APPL1: variants seen among roughly 807,000 people sequenced by gnomAD.
APPL1 encodes the protein adaptor protein, phosphotyrosine interacting with PH domain and leucine zipper 1.
In APPL1, 42 loss-of-function variants were observed where a neutral mutation model predicts 106.8. The ratio of observed to expected loss-of-function variants is 0.39; its 90% CI spans 0.31 to 0.51. APPL1 has a LOEUF of 0.51. Among genes scored for constraint, APPL1 ranks in the 20% least tolerant of loss-of-function variants. The pLI is 0.75. For synonymous variants in APPL1, 263 were observed against 281.8 expected, an observed-to-expected ratio of 0.93 and a Z score of 0.67; for missense variants, 769 against 858.2, an observed-to-expected ratio of 0.90 and a Z score of 1.30.
intron 2 of APPL1, among the ~76,000 whole-genome samples, chr3:57,235,979 T>C (rs1271690528): frequency 6.6e-6 from 1 of 151,950 alleles, no homozygotes; most frequent in Non-Finnish European, 1.5e-5. Context: ...GAAGACCCCA[T>C]GTCATCACTG....
intron 19 of APPL1, among the ~76,000 whole-genome samples, chr3:57,261,460 T>G (rs1179273247): frequency 6.6e-6 from 1 of 152,212 alleles, no homozygotes; most frequent in Non-Finnish European, 1.5e-5. Flanking sequence ...TCTTTAATTT[T>G]GGGTAGATAC....
chr3:57,260,293 C>A, intron 18 of APPL1, 140 bp downstream of exon 18: 1 of 842,382 alleles, frequency 1.2e-6, no homozygotes, highest in Non-Finnish European at 1.8e-6. Flanking sequence ...GTAGTTAAGT[C>A]TATGGCCATC....
intron 13 of APPL1, among the ~76,000 whole-genome samples, chr3:57,255,146 G>A (rs920609586): frequency 2.0e-5 from 3 of 152,196 alleles, no homozygotes; most frequent in Non-Finnish European, 4.4e-5. Context: ...TAGAACCCAG[G>A]GGTACAGAGA....
At chr3:57,266,866 A>G (rs1317178573) in intron 19 of APPL1, among the ~76,000 whole-genome samples, 1 of 152,142 alleles carries the variant, frequency 6.6e-6, no homozygotes, top group African/African-American at 2.4e-5. Context: ...CCCCAGTGAA[A>G]GTTCTTTGTC....
chr3:57,268,393 T>G lies in APPL1; in HGVS notation c.1894-5T>G. ...ATTCATTAGTTTTATTCATCTGTTC[T>G]TTAGGATCGTAGGGCATCAGAAAAA... On this transcript the variant is annotated splice_region_variant and splice_polypyrimidine_tract_variant and intron_variant, in intron 20 of 21. Transcript: ENST00000288266. The G allele has an allele frequency of 6.4e-7, 1 of 1,552,556 alleles. No individual in the cohort carries two copies.
rs761360977 is a variant in APPL1 at position 57,242,112 on chromosome 3, T to C, written c.385T>C (p.Leu129=). The change falls in exon 6 of 22, where the codon TTA becomes CTA. Residue 129 remains leucine, a synonymous_variant. Coordinates refer to ENST00000288266, the MANE Select transcript of APPL1 (RefSeq NM_012096.3). ...KERDLKEILT[L]KEVFQIASND... Reference sequence around the variant, plus strand: ...TTGAACTTTTTCAGAAATACTAACATTAAAGGAAGTATTTCAGATTGCAAG... The same window carrying C: ...TTGAACTTTTTCAGAAATACTAACACTAAAGGAAGTATTTCAGATTGCAAG... 5 of 1,592,116 alleles carry C rather than the reference T, an allele frequency of 3.1e-6. No individual in the cohort carries two copies. In the African/African-American group the frequency reaches 5.4e-5, roughly 17 times the overall value.
intron 13 of APPL1, 119 bp downstream of exon 13, chr3:57,253,857 A>G: frequency 2.3e-6 from 1 of 431,882 alleles, no homozygotes; most frequent in Non-Finnish European, 3.6e-6. Flanking sequence ...ACCTTGAATG[A>G]GTAGCTTTTT....
In APPL1 at chr3:57,246,362, A is replaced by G. The variant is rs1393035810; in HGVS notation, c.621+140A>G. On this transcript the variant is annotated intron_variant, in intron 8 of 21. Coordinates refer to ENST00000288266, the MANE Select transcript of APPL1 (RefSeq NM_012096.3). ...TGTGTTTTAAGAAGTTATTTTTAAA[A>G]TGTCATCAGACTATTATTTTAAGGA... 4 of 579,908 alleles carry G rather than the reference A, an allele frequency of 6.9e-6. No homozygotes were observed. The East Asian group carries it at 1.1e-4, about 16-fold the overall frequency. The allele number at this position is 579,908 out of a possible 1,614,324, so 35.9% of individuals were successfully genotyped here.
intron 4 of APPL1, 106 bp downstream of exon 4, chr3:57,238,222 G>T: frequency 1.3e-6 from 1 of 751,344 alleles, no homozygotes; most frequent in East Asian, 2.9e-5. Context: ...GATGACTAAA[G>T]AGGAACCTTA....
intron 6 of APPL1, 129 bp from the exon 7 acceptor site, chr3:57,242,727 A>T (rs2060753369): frequency 1.5e-6 from 1 of 661,012 alleles, no homozygotes. Context: ...AATTGAGTGC[A>T]GTGGTCATGT....
At position 57,253,745 on chromosome 3, in the gene APPL1, TTTTTA is replaced by T. The variant is rs2060818118; in HGVS notation, c.1152+14_1152+18del. ...CTTAAGTGAAAATCCAGAGGTAATA[TTTTTA>T]TTTTATGTTACCCAGATCTAGCAAA... is the stretch of plus-strand genomic sequence containing the variant. On this transcript the variant is annotated splice_region_variant and intron_variant, in intron 13 of 21. Coordinates refer to ENST00000288266, the MANE Select transcript of APPL1 (RefSeq NM_012096.3). 6 of 1,419,498 alleles carry T rather than the reference TTTTTA, an allele frequency of 4.2e-6. No individual in the cohort carries two copies. The South Asian group carries it at 7.4e-5, about 18-fold the overall frequency. 87.9% of individuals were successfully genotyped at this position (1,419,498 alleles called of 1,614,324 possible).
At chr3:57,249,991 A>G (rs1465980757) in intron 11 of APPL1, among the ~76,000 whole-genome samples, 1 of 152,078 alleles carries the variant, frequency 6.6e-6, no homozygotes, top group Non-Finnish European at 1.5e-5. Context: ...TGTAATCCCT[A>G]TCGTAAATTG....
In APPL1 at chr3:57,246,057, T is replaced by C; in HGVS notation, c.475-19T>C. 1.9e-6 allele frequency: 3 copies of C among 1,539,016 alleles called. No individual in the cohort carries two copies. Among genetic ancestry groups the C allele is most frequent in the Non-Finnish European group, 2.6e-6 (3 of 1,143,150 alleles). On this transcript the variant is annotated intron_variant, in intron 7 of 21. Transcript: ENST00000288266. Reference sequence around the variant, plus strand: ...ATAGCAGATTATTTACTTAATTATTTAAATCTTTTCATTCAAAGGTGAAGT... The same window carrying C: ...ATAGCAGATTATTTACTTAATTATTCAAATCTTTTCATTCAAAGGTGAAGT...
chr3:57,259,801 A>G (rs2060855612), intron 16 of APPL1, 44 bp from the exon 17 acceptor site: 4 of 1,409,296 alleles, frequency 2.8e-6, no homozygotes, highest in South Asian at 1.5e-5. Context: ...ATGTAAATTT[A>G]TACAGTAAAA....
chr3:57,231,770 T>C (rs550665255), intron 1 of APPL1, among the ~76,000 whole-genome samples: 1 of 148,818 alleles, frequency 6.7e-6, no homozygotes, highest in African/African-American at 2.5e-5. Flanking sequence ...ATCACACCAC[T>C]GCACTCCAGC....
chr3:57,242,881 T>C lies in APPL1; in HGVS notation c.441T>C (p.Tyr147=), dbSNP rs370998865. The C allele has an allele frequency of 6.8e-5, 110 of 1,612,106 alleles. 2 individuals carry two copies. The highest frequency in any genetic ancestry group is 5.6e-5 in the Non-Finnish European group (66 of 1,178,724). ...ATCATGATGCTGCGATTAATAGATATAGCCGTTTATCAAAAAAAAGAGAAA... is the reference window on the plus strand; with the variant it reads ...ATCATGATGCTGCGATTAATAGATACAGCCGTTTATCAAAAAAAAGAGAAA... ...SNDHDAAINR[Y]SRLSKKREND... Residue 147 remains tyrosine, a synonymous_variant, in exon 7 of 22, where the codon TAT becomes TAC. Coordinates refer to ENST00000288266, the MANE Select transcript of APPL1 (RefSeq NM_012096.3).
intron 18 of APPL1, 51 bp from the exon 19 acceptor site, chr3:57,260,577 C>T (rs2060859662): frequency 6.5e-7 from 1 of 1,526,840 alleles, no homozygotes; most frequent in Non-Finnish European, 8.9e-7. Context: ...ACAAGTGCTG[C>T]TGTAATGACT....
chr3:57,269,861 A>C lies in APPL1; in HGVS notation c.*174A>C. 4.2e-6 allele frequency: 3 copies of C among 714,698 alleles called. No homozygotes were observed. The South Asian group carries it at 7.2e-5, about 17-fold the overall frequency. The allele number at this position is 714,698 out of a possible 1,614,324, so 44.3% of individuals were successfully genotyped here. On this transcript the variant is annotated 3_prime_UTR_variant, in exon 22 of 22. Transcript: ENST00000288266. ...AACTTGATGACTTAGGTTTGCATTGATCTTTTTTCCCCCTTAAACATAATG... is the reference window on the plus strand; with the variant it reads ...AACTTGATGACTTAGGTTTGCATTGCTCTTTTTTCCCCCTTAAACATAATG...
intron 13 of APPL1, among the ~76,000 whole-genome samples, chr3:57,255,241 C>G (rs1364430641): frequency 6.6e-6 from 1 of 152,162 alleles, no homozygotes; most frequent in African/African-American, 2.4e-5. Context: ...CTCTGCCACT[C>G]TTAGTGGGCC....
Sources: gnomAD v4.1 joint callset for allele counts (sites outside exome capture counted in the v4.1 genomes callset) on GRCh38, gnomAD v4.1.1 for gene constraint, MANE v1.5 for transcripts, NCBI Gene and HGNC (gene_info 2026-07-23, HGNC 2026-07-21) for gene names.